The following RBFOX3 variants were observed in gnomAD, a reference collection of about 807,000 sequenced individuals.
RBFOX3 encodes RNA binding protein fox-1 homolog 3.
Under a neutral mutation model 48.7 loss-of-function variants are expected in RBFOX3, and 17 were observed. The observed-to-expected ratio is 0.35, with a 90% CI of 0.24 to 0.52. RBFOX3 has a LOEUF of 0.52. Among genes scored for constraint, RBFOX3 ranks in the 20% least tolerant of loss-of-function variants. RBFOX3 has a pLI of 0.94. For synonymous variants in RBFOX3, 212 were observed against 209.5 expected, an observed-to-expected ratio of 1.01 and a Z score of -0.10; for missense variants, 382 against 497.5, an observed-to-expected ratio of 0.77 and a Z score of 2.21.
intron 2 of RBFOX3, among the ~76,000 whole-genome samples, chr17:79,341,451 T>C (rs894671096): frequency 1.3e-5 from 2 of 152,212 alleles, no homozygotes; most frequent in Non-Finnish European, 2.9e-5. Context: ...TTGTGCCCTC[T>C]TCGTGCGTAA....
chr17:79,261,463 G>A (rs981140168), intron 3 of RBFOX3, among the ~76,000 whole-genome samples: 3 of 152,242 alleles, frequency 2.0e-5, no homozygotes, highest in East Asian at 1.9e-4. Flanking sequence ...GGAAGGAGCC[G>A]GAGGCAGAGG....
At chr17:79,232,881 C>G (rs2061203031) in intron 4 of RBFOX3, among the ~76,000 whole-genome samples, 1 of 152,204 alleles carries the variant, frequency 6.6e-6, no homozygotes, top group African/African-American at 2.4e-5. Flanking sequence ...GTTGCGGAGG[C>G]TGAAGAACTG....
intron 4 of RBFOX3, among the ~76,000 whole-genome samples, chr17:79,182,631 G>A (rs2052330135): frequency 6.6e-6 from 1 of 151,638 alleles, no homozygotes; most frequent in Non-Finnish European, 1.5e-5. Flanking sequence ...CAGAGTCGCC[G>A]ACTTTCCTGC....
intron 3 of RBFOX3, among the ~76,000 whole-genome samples, chr17:79,275,939 T>C (rs1435149405): frequency 6.6e-6 from 1 of 152,230 alleles, no homozygotes; most frequent in African/African-American, 2.4e-5. Flanking sequence ...CATTGCAGCG[T>C]CATTCACCAC....
rs1374154917 is a variant in RBFOX3, at chr17:79,362,442, G to C, written c.-174-54618C>G. Among the ~76,000 whole-genome samples, 2 of 152,156 alleles carry C rather than the reference G, an allele frequency of 1.3e-5. No homozygotes were observed. The highest frequency in any genetic ancestry group is 1.5e-5 in the Non-Finnish European group (1 of 68,012). On this transcript the variant is annotated intron_variant, in intron 2 of 14. Transcript: ENST00000693108. This position sits in a 1 kb window ranked among gnomAD's most constrained non-coding sequence, Gnocchi z 4.2. The stretch of plus-strand genomic sequence containing the variant: ...GGGGAGAGGATCACCCAGGGGACCA[G>C]GGGGTGGGGGTGGCGGTGGGCGTGG...
chr17:79,356,731 CTA>C (rs778417091), intron 2 of RBFOX3, among the ~76,000 whole-genome samples: 20 of 152,068 alleles, frequency 1.3e-4, no homozygotes, highest in Admixed American at 7.9e-4. Flanking sequence ...GTGTGAATAA[CTA>C]TTTGGGAAAT....
chr17:79,417,925 AAC>A (rs1223661005), intron 2 of RBFOX3, among the ~76,000 whole-genome samples: 1 of 152,244 alleles, frequency 6.6e-6, no homozygotes, highest in Non-Finnish European at 1.5e-5. Flanking sequence ...AACATGGGAG[AAC>A]CCTGGGGACA....
At chr17:79,549,431 C>T (rs1470362575) in intron 1 of RBFOX3, among the ~76,000 whole-genome samples, 1 of 152,242 alleles carries the variant, frequency 6.6e-6, no homozygotes. Context: ...GTAATTAGAG[C>T]CAACTGCAGC....
intron 4 of RBFOX3, chr17:79,135,068 G>A (rs2039865764): frequency 6.6e-6 from 1 of 152,346 alleles, no homozygotes; most frequent in Admixed American, 6.5e-5. Context: ...CACCCAGGAT[G>A]AGGATACGCG....
rs560806894 is a variant in RBFOX3, at chr17:79,108,620, CCTGT to C, written c.223-1836_223-1833del. On this transcript the variant is annotated intron_variant, in intron 5 of 14. Coordinates refer to ENST00000693108, the MANE Select transcript of RBFOX3 (RefSeq NM_001350451.2). Reference sequence around the variant, plus strand: ...GTGGCCACAGCTTGGTCCCTCGACTCCTGTCTGAGTGGCTGTCCGGCTGTCGCCG... The same window carrying C: ...GTGGCCACAGCTTGGTCCCTCGACTCCTGAGTGGCTGTCCGGCTGTCGCCG... Among the ~76,000 whole-genome samples the C allele has an allele frequency of 1.1e-4, 17 of 152,356 alleles. No individual in the cohort carries two copies. The South Asian group carries it at 3.1e-3, about 28-fold the overall frequency.
chr17:79,282,599 G>T (rs1362717220), intron 3 of RBFOX3, among the ~76,000 whole-genome samples: 2 of 152,220 alleles, frequency 1.3e-5, no homozygotes, highest in African/African-American at 4.8e-5. Context: ...CACTGCACGG[G>T]GATGTGGCTG....
Position 79,115,765 on chromosome 17 carries a change from A to C in RBFOX3, c.-33-17T>G, listed in dbSNP as rs1024383603. 1.5e-6 allele frequency: 1 copy of C among 669,430 alleles called. No homozygotes were observed. The highest frequency in any genetic ancestry group is 2.7e-6 in the Non-Finnish European group (1 of 376,720). 41.5% of individuals were successfully genotyped at this position (669,430 alleles called of 1,614,324 possible). ...CTGATCGCTCTGTGGAAGGAGAGAGAGCAAGGCCTGGTTAGAATCTTGTCC... is the reference window on the plus strand; with the variant it reads ...CTGATCGCTCTGTGGAAGGAGAGAGCGCAAGGCCTGGTTAGAATCTTGTCC... On this transcript the variant is annotated splice_polypyrimidine_tract_variant and intron_variant, in intron 4 of 14. Transcript: ENST00000693108.
chr17:79,295,322 G>A (rs1387173375), intron 3 of RBFOX3, among the ~76,000 whole-genome samples: 1 of 152,238 alleles, frequency 6.6e-6, no homozygotes, highest in Non-Finnish European at 1.5e-5. Context: ...TGTTAAGGAT[G>A]AGACACAGCT....
At chr17:79,606,175 G>C (rs1326079928) in intron 1 of RBFOX3, among the ~76,000 whole-genome samples, 10 of 152,198 alleles carry the variant, frequency 6.6e-5, no homozygotes, top group African/African-American at 2.4e-4. Flanking sequence ...AAGGACGCCT[G>C]GGCCTGACCA....
chr17:79,120,699 T>TGGGTGGGTGGGTGGGTGGAA (rs2035483530), intron 4 of RBFOX3, among the ~76,000 whole-genome samples: 1 of 54,974 alleles, frequency 1.8e-5, no homozygotes, highest in African/African-American at 7.5e-5. Context: ...GATAGATGGG[T>TGGGTGGGTGGGTGGGTGGAA]GGGTGGGTGG....
intron 3 of RBFOX3, among the ~76,000 whole-genome samples, chr17:79,255,222 CGTGTGTGTGT>C (rs142604866): frequency 4.1e-5 from 6 of 147,422 alleles, no homozygotes; most frequent in Admixed American, 2.0e-4. Flanking sequence ...CACATGTGTG[CGTGTGTGTGT>C]GTGTGTGTGT....
chr17:79,166,763 C>T lies in RBFOX3; in HGVS notation c.-33-51015G>A, dbSNP rs1039043374. On this transcript the variant is annotated intron_variant, in intron 4 of 14. Transcript: ENST00000693108. ...GTCAGAGTGCGGATGCCAGGCTGGG[C>T]TCAGTGGGAGAATCGAAACAAAGGG... Among the ~76,000 whole-genome samples the T allele has an allele frequency of 2.6e-5, 4 of 152,276 alleles. No homozygotes were observed. The Middle Eastern group carries it at 0.01, about 388-fold the overall frequency.
intron 2 of RBFOX3, among the ~76,000 whole-genome samples, chr17:79,351,118 T>C (rs1204848479): frequency 1.3e-5 from 2 of 152,212 alleles, no homozygotes; most frequent in Admixed American, 1.3e-4. Flanking sequence ...CCAGGCTATG[T>C]AATATTCATG....
intron 4 of RBFOX3, among the ~76,000 whole-genome samples, chr17:79,180,133 T>C (rs2051554328): frequency 6.6e-6 from 1 of 152,166 alleles, no homozygotes; most frequent in Non-Finnish European, 1.5e-5. Context: ...CCTCCGCTGC[T>C]GGGAGAGGGG....
Sources: gnomAD v4.1 joint callset for allele counts (sites outside exome capture counted in the v4.1 genomes callset) on GRCh38, gnomAD v4.1.1 for gene constraint, Gnocchi (gnomAD v3.1) non-coding constraint, MANE v1.5 for transcripts, NCBI Gene and HGNC (gene_info 2026-07-23, HGNC 2026-07-21) for gene names.